Variants in GRHL3 observed in about 807,000 individuals in gnomAD.
GRHL3 encodes grainyhead-like protein 3 homolog.
In GRHL3, 20 loss-of-function variants were observed where a neutral mutation model predicts 70.3. That is an observed-to-expected ratio of 0.28 (90% CI 0.20 to 0.41). GRHL3 has a LOEUF of 0.41. Ranked by LOEUF, GRHL3 falls within the 10% of genes least tolerant of loss-of-function variation. The pLI is 1.00. For missense variants in GRHL3, 637 were observed against 762.3 expected (o/e 0.84, Z 1.94); for synonymous variants, 299 against 299.9 (o/e 1.00, Z 0.03).
At chr1:24,335,817 C>T (rs548996638) in intron 3 of GRHL3, among the ~76,000 whole-genome samples, 7 of 152,220 alleles carry the variant, frequency 4.6e-5, no homozygotes, top group East Asian at 3.9e-4. Context: ...CTCCTGACCT[C>T]GTGATCCGCC....
At chr1:24,364,196 T>G in exon 16 of GRHL3, 1 of 1,509,168 alleles carries the variant, frequency 6.6e-7, no homozygotes, top group Admixed American at 2.3e-5. Flanking sequence ...GAAACTTCTC[T>G]CCTCCACCCA....
chr1:24,343,124 C>T (rs1266052520), intron 11 of GRHL3, 99 bp downstream of exon 11: 3 of 1,426,846 alleles, frequency 2.1e-6, no homozygotes, highest in South Asian at 2.4e-5. Flanking sequence ...CAGCCTGCCC[C>T]TCAGCCAGTT....
Position 24,331,432 on chromosome 1 carries a change from G to T in GRHL3, c.24G>T (p.Arg8Ser), listed in dbSNP as rs1018324786. 3.1e-6 allele frequency: 5 copies of T among 1,610,310 alleles called. No individual in the cohort carries two copies. The highest frequency in any genetic ancestry group is 2.2e-5 in the South Asian group (2 of 90,316). Residue 8 changes from arginine (R) to serine (S), a missense_variant, in exon 2 of 16, where the codon AGG (arginine) becomes AGT (serine). Arg to Ser is a moderately radical substitution (Grantham distance 110). Coordinates refer to ENST00000361548, the MANE Select transcript of GRHL3 (RefSeq NM_198173.3). MSNELDF[R>S]SVRLLKNDPV... is the part of the protein sequence containing the mutation. Reference sequence around the variant, plus strand: ...TCTCCTTACTTGCATTCAGTTTCAGGTCTGTGCGGCTGCTAAAGAACGACC... The same window carrying T: ...TCTCCTTACTTGCATTCAGTTTCAGTTCTGTGCGGCTGCTAAAGAACGACC...
rs927881333 is a variant in GRHL3, at chr1:24,364,097, G to A, written c.1695-88G>A. ...ACACAACACAGTTCAGCAACTCCAT[G>A]CCTTTGTCCCTGCTGTTCCTTCTGT... On this transcript the variant is annotated intron_variant, in intron 15 of 15. Coordinates refer to the GRHL3 transcript ENST00000350501. 6.9e-6 allele frequency: 10 copies of A among 1,441,036 alleles called. No homozygotes were observed. The Admixed American group carries it at 2.5e-4, about 36-fold the overall frequency. 89.3% of individuals were successfully genotyped at this position (1,441,036 alleles called of 1,614,324 possible).
At position 24,342,367 on chromosome 1, in the gene GRHL3, G is replaced by T; in HGVS notation, c.1206+94G>T. ...TCCTCCTAGCTTCTCTGGGTTGTCTGTCTCTCTCTGTTTTTCTATCCCTTC... is the reference window on the plus strand; with the variant it reads ...TCCTCCTAGCTTCTCTGGGTTGTCTTTCTCTCTCTGTTTTTCTATCCCTTC... On this transcript the variant is annotated intron_variant, in intron 9 of 15. Coordinates refer to ENST00000361548, the MANE Select transcript of GRHL3 (RefSeq NM_198173.3). The surrounding 1 kb of genome is among the most constrained non-coding windows in gnomAD (Gnocchi z 4.8). 1 of 1,082,152 alleles carries T rather than the reference G, an allele frequency of 9.2e-7. No homozygotes were observed. Among genetic ancestry groups the T allele is most frequent in the Non-Finnish European group, 1.3e-6 (1 of 744,624 alleles). The allele number at this position is 1,082,152 out of a possible 1,614,324, so 67.0% of individuals were successfully genotyped here.
rs985891193 is a variant in GRHL3 at position 24,342,308 on chromosome 1, G to A, written c.1206+35G>A. The A allele has an allele frequency of 5.2e-6, 8 of 1,547,196 alleles. No homozygotes were observed. Among genetic ancestry groups the A allele is most frequent in the South Asian group, 2.4e-5 (2 of 82,454 alleles). ...CTGGGCAGACCCTATACTGGGTCCC[G>A]GGGAGGTAGAAGGGCCAAACCCTGA... On this transcript the variant is annotated intron_variant, in intron 9 of 15. Transcript: ENST00000361548. This position sits in a 1 kb window ranked among gnomAD's most constrained non-coding sequence, Gnocchi z 4.8.
At chr1:24,360,854 G>C in intron 15 of GRHL3, 1 of 1,610,626 alleles carries the variant, frequency 6.2e-7, no homozygotes, top group South Asian at 1.1e-5. Context: ...CTCTGACCTG[G>C]GCCAGGCAGG....
chr1:24,333,051 C>A (rs768741783), intron 2 of GRHL3, among the ~76,000 whole-genome samples: 3 of 152,222 alleles, frequency 2.0e-5, no homozygotes, highest in Non-Finnish European at 2.9e-5. Flanking sequence ...GAGGATCGAC[C>A]ATCAGATACA....
At position 24,346,676 on chromosome 1, in the gene GRHL3, C is replaced by T. The variant is rs777964771; in HGVS notation, c.1543+35C>T. ...CGCCCTCCTCATTTACTCACCAGGC[C>T]CACCCCAGCTCCCACCTCCCTCATG... On this transcript the variant is annotated intron_variant, in intron 13 of 15. Transcript: ENST00000361548. 10 of 1,511,002 alleles carry T rather than the reference C, an allele frequency of 6.6e-6. No individual in the cohort carries two copies. In the South Asian group the frequency reaches 9.1e-5, roughly 14 times the overall value. The allele number at this position is 1,511,002 out of a possible 1,614,324, so 93.6% of individuals were successfully genotyped here. A position where few individuals can be genotyped will look rare whatever the true frequency, so the allele number is the denominator to read the frequency against.
chr1:24,335,177 A>G (rs1639750512), intron 3 of GRHL3, among the ~76,000 whole-genome samples: 1 of 151,834 alleles, frequency 6.6e-6, no homozygotes, highest in Non-Finnish European at 1.5e-5. Context: ...CAGCTTCAAA[A>G]CCCTCTCCCC....
At chr1:24,329,832 G>A (rs1374154762) in intron 1 of GRHL3, among the ~76,000 whole-genome samples, 1 of 152,182 alleles carries the variant, frequency 6.6e-6, no homozygotes, top group Non-Finnish European at 1.5e-5. Context: ...TCATAGCCTG[G>A]ACCACCCCAT....
downstream of GRHL3, among the ~76,000 whole-genome samples, chr1:24,355,898 CT>C (rs59310312): frequency 0.1 from 14,893 of 144,522 alleles, 1,487 homozygotes; most frequent in African/African-American, 0.28. Flanking sequence ...TTTCATTTAT[CT>C]TTTTTTTTTT....
chr1:24,320,242 T>C (rs1282377082), intron 1 of GRHL3, among the ~76,000 whole-genome samples: 1 of 152,236 alleles, frequency 6.6e-6, no homozygotes, highest in Non-Finnish European at 1.5e-5. Flanking sequence ...AGCTATGGTC[T>C]GAAGATGCGT....
chr1:24,329,644 G>A (rs971833204), intron 1 of GRHL3, among the ~76,000 whole-genome samples: 5 of 152,172 alleles, frequency 3.3e-5, no homozygotes, highest in African/African-American at 7.2e-5. Context: ...ACCTTGTAGT[G>A]TCCTTGTAAG....
At chr1:24,341,987 C>T (rs1640059515) in intron 8 of GRHL3, 128 bp from the exon 9 acceptor site, 1 of 805,334 alleles carries the variant, frequency 1.2e-6, no homozygotes, top group South Asian at 2.6e-5. Context: ...TGTTTGCCTT[C>T]TAGGGGCCTA....
At chr1:24,355,838 A>C (rs540567003), downstream of GRHL3, among the ~76,000 whole-genome samples, 7 of 152,188 alleles carry the variant, frequency 4.6e-5, no homozygotes, top group East Asian at 1.3e-3. Context: ...CTACAAATCA[A>C]GGCCTTTATT....
At chr1:24,323,707 C>T (rs1639290270) in intron 1 of GRHL3, among the ~76,000 whole-genome samples, 1 of 152,192 alleles carries the variant, frequency 6.6e-6, no homozygotes, top group Non-Finnish European at 1.5e-5. Context: ...CCTCTCTTGC[C>T]TTCCCTCCCC....
At chr1:24,348,598 C>T (rs891809136) in intron 14 of GRHL3, among the ~76,000 whole-genome samples, 3 of 152,212 alleles carry the variant, frequency 2.0e-5, no homozygotes, top group Non-Finnish European at 4.4e-5. Flanking sequence ...TCTCCAGCAG[C>T]GCTTCCAAGC....
chr1:24,337,562 T>G, intron 5 of GRHL3, 74 bp from the exon 6 acceptor site: 1 of 1,493,212 alleles, frequency 6.7e-7, no homozygotes, highest in Non-Finnish European at 9.2e-7. Flanking sequence ...GCCTCAGGCT[T>G]CCTGCCCCAC....
Sources: gnomAD v4.1 joint callset for allele counts (sites outside exome capture counted in the v4.1 genomes callset) on GRCh38, gnomAD v4.1.1 for gene constraint, Gnocchi (gnomAD v3.1) non-coding constraint, MANE v1.5 for transcripts, NCBI Gene and HGNC (gene_info 2026-07-23, HGNC 2026-07-21) for gene names.